ANKRD11: variants seen among roughly 807,000 people sequenced by gnomAD.
ANKRD11 encodes the protein ankyrin repeat domain 11, also known as ankyrin repeat domain-containing protein 11.
In ANKRD11, 17 loss-of-function variants were observed where a neutral mutation model predicts 195.7. That is an observed-to-expected ratio of 0.09 (90% confidence interval 0.06 to 0.13). The LOEUF (loss-of-function observed/expected upper bound fraction) is 0.13. Among genes scored for constraint, ANKRD11 ranks in the 10% least tolerant of loss-of-function variants. ANKRD11 has a pLI of 1.00. For missense variants in ANKRD11, 3,735 were observed against 3,566.1 expected (o/e 1.05, Z -1.21); for synonymous variants, 1,953 against 1,528.1 (o/e 1.28, Z -6.49).
intron 2 of ANKRD11, among the ~76,000 whole-genome samples, chr16:89,364,419 G>A (rs902819698): frequency 2.6e-5 from 4 of 152,286 alleles, no homozygotes; most frequent in East Asian, 1.9e-4. Context: ...TCCTACTCAC[G>A]GTAAGAACAA....
intron 1 of ANKRD11, among the ~76,000 whole-genome samples, chr16:89,438,336 T>TTC (rs397695511): frequency 6.6e-6 from 1 of 151,758 alleles, no homozygotes; most frequent in African/African-American, 2.4e-5. Flanking sequence ...TTTTTTTTTT[T>TTC]CAACACAGAG....
At chr16:89,472,319 C>T (rs1161067246) in intron 1 of ANKRD11, among the ~76,000 whole-genome samples, 2 of 152,116 alleles carry the variant, frequency 1.3e-5, no homozygotes, top group African/African-American at 2.4e-5. Context: ...TCTGTAGGGA[C>T]GGTACCAAGA....
chr16:89,425,491 T>C (rs751807696), intron 1 of ANKRD11, among the ~76,000 whole-genome samples: 2 of 152,188 alleles, frequency 1.3e-5, no homozygotes, highest in Non-Finnish European at 2.9e-5. Context: ...ACACAGCCAA[T>C]TGGATTCCAC....
chr16:89,426,837 C>T (rs2042737729), intron 1 of ANKRD11, among the ~76,000 whole-genome samples: 1 of 152,248 alleles, frequency 6.6e-6, no homozygotes, highest in Non-Finnish European at 1.5e-5. Flanking sequence ...GGCTGTTTCA[C>T]TTCAGTGTGA....
chr16:89,433,528 C>A (rs961441914), intron 1 of ANKRD11, among the ~76,000 whole-genome samples: 5 of 152,202 alleles, frequency 3.3e-5, no homozygotes, highest in Non-Finnish European at 7.3e-5. Context: ...AAAAGGCCTC[C>A]CTAAAGGAGC....
intron 2 of ANKRD11, among the ~76,000 whole-genome samples, chr16:89,337,007 C>CAAAAAAAAA (rs60248736): frequency 4.2e-5 from 2 of 47,742 alleles, no homozygotes; most frequent in Non-Finnish European, 7.5e-5. Flanking sequence ...CTGGCTCTAC[C>CAAAAAAAAA]AAAAAAAAAA....
At chr16:89,471,327 G>T (rs574822474) in intron 1 of ANKRD11, among the ~76,000 whole-genome samples, 2 of 152,222 alleles carry the variant, frequency 1.3e-5, no homozygotes, top group South Asian at 2.1e-4. Context: ...CTGCTGCCCC[G>T]AAGTCCTGTG....
intron 12 of ANKRD11, among the ~76,000 whole-genome samples, chr16:89,269,155 G>A (rs1050704862): frequency 2.6e-5 from 4 of 152,286 alleles, no homozygotes; most frequent in African/African-American, 9.6e-5. Flanking sequence ...GTACTGGTAT[G>A]TCACAAGCAA....
intron 1 of ANKRD11, among the ~76,000 whole-genome samples, chr16:89,462,979 C>T (rs1468348270): frequency 6.6e-6 from 1 of 151,118 alleles, no homozygotes; most frequent in African/African-American, 2.4e-5. Flanking sequence ...CCAGGCCAGC[C>T]GCCCCGTCCG....
At chr16:89,452,689 G>A (rs896319382) in intron 1 of ANKRD11, among the ~76,000 whole-genome samples, 2 of 141,570 alleles carry the variant, frequency 1.4e-5, no homozygotes, top group African/African-American at 5.3e-5. Flanking sequence ...CAGGAGGCAG[G>A]AAAATCTCCA....
chr16:89,423,157 C>T (rs2042581333), intron 1 of ANKRD11, among the ~76,000 whole-genome samples: 1 of 152,134 alleles, frequency 6.6e-6, no homozygotes, highest in Admixed American at 6.5e-5. Flanking sequence ...CCCTCAGAGC[C>T]CAGGAGTCCA....
At chr16:89,321,702 G>GA (rs955573329) in intron 2 of ANKRD11, among the ~76,000 whole-genome samples, 146 of 144,748 alleles carry the variant, frequency 1.0e-3, no homozygotes, top group African/African-American at 2.7e-3. Context: ...AAAACTCACA[G>GA]AAAAAAAAAA....
intron 1 of ANKRD11, among the ~76,000 whole-genome samples, chr16:89,445,697 G>T (rs1050464528): frequency 6.6e-6 from 1 of 152,108 alleles, no homozygotes; most frequent in Admixed American, 6.5e-5. Context: ...TTTTGAGCCC[G>T]GGCACTGTGG....
intron 2 of ANKRD11, among the ~76,000 whole-genome samples, chr16:89,338,884 A>C (rs1344942504): frequency 6.6e-6 from 1 of 152,136 alleles, no homozygotes; most frequent in Admixed American, 6.5e-5. Flanking sequence ...ACTTGGAGCA[A>C]AATAAGCCTA....
Position 89,310,440 on chromosome 16 carries a change from A to G in ANKRD11, c.88-5096T>C, listed in dbSNP as rs551759603. On this transcript the variant is annotated intron_variant, in intron 3 of 12. Coordinates refer to ENST00000301030, the MANE Select transcript of ANKRD11 (RefSeq NM_013275.6). ...TATTCTAGGTCTTTTCAATTTCCCT[A>G]TTAACTTTGGAATCGTCTTATGAAT... Among the ~76,000 whole-genome samples, 4 of 152,320 alleles carry G rather than the reference A, an allele frequency of 2.6e-5. No homozygotes were observed. In the East Asian group the frequency reaches 7.7e-4, roughly 29 times the overall value.
rs776613041 is a variant in ANKRD11 at position 89,279,219 on chromosome 16, G to A, written c.7323C>T (p.Tyr2441=). ...HSDRANPYFE[Y]LQIRKKIEEK... ...CCTCGATCTTCTTCCTGATCTGCAGGTATTCGAAGTAGGGGTTGGCCCTGT... is the reference window on the plus strand; with the variant it reads ...CCTCGATCTTCTTCCTGATCTGCAGATATTCGAAGTAGGGGTTGGCCCTGT... Residue 2441 remains tyrosine, a synonymous_variant, in exon 9 of 13, where the codon TAC becomes TAT. Coordinates refer to ENST00000301030, the MANE Select transcript of ANKRD11 (RefSeq NM_013275.6). The surrounding 1 kb of genome is among the most constrained non-coding windows in gnomAD (Gnocchi z 5.6). 27 of 1,612,108 alleles carry A rather than the reference G, an allele frequency of 1.7e-5. No homozygotes were observed. The highest frequency in any genetic ancestry group is 8.0e-5 in the African/African-American group (6 of 74,870).
intron 2 of ANKRD11, among the ~76,000 whole-genome samples, chr16:89,415,261 CT>C (rs34004237): frequency 0.025 from 2,128 of 84,472 alleles, 40 homozygotes; most frequent in African/African-American, 0.075. Flanking sequence ...GCCAGCTATT[CT>C]TTTTTTTTTT....
intron 1 of ANKRD11, among the ~76,000 whole-genome samples, chr16:89,484,250 T>C (rs1247348896): frequency 6.6e-6 from 1 of 152,228 alleles, no homozygotes; most frequent in Admixed American, 6.5e-5. Context: ...TTTTGCAAGA[T>C]GTAAAACCAC....
In ANKRD11 at chr16:89,284,443, A is replaced by G; in HGVS notation, c.2099T>C (p.Leu700Pro). Residue 700 changes from leucine (L) to proline (P), a missense_variant, in exon 9 of 13, where the codon CTT becomes CCT. Leu to Pro is a moderately conservative substitution (Grantham distance 98). Coordinates refer to ENST00000301030, the MANE Select transcript of ANKRD11 (RefSeq NM_013275.6). ...TTTTTCTTCTAATTTCATTTTGCTA[A>G]GTTTCTCTTCTTTTTTAAAGTGGTC... ...DRDHFKKEEKLSKMKLEEKEW... is the reference protein window; with the variant it reads ...DRDHFKKEEKPSKMKLEEKEW... 1 of 1,613,062 alleles carries G rather than the reference A, an allele frequency of 6.2e-7. No individual in the cohort carries two copies. Among genetic ancestry groups the G allele is most frequent in the Non-Finnish European group, 8.5e-7 (1 of 1,179,858 alleles).
Sources: allele counts gnomAD v4.1 joint callset (sites outside exome capture counted in the v4.1 genomes callset), GRCh38; gene constraint gnomAD v4.1.1; non-coding constraint Gnocchi (gnomAD v3.1); transcripts MANE v1.5; gene names NCBI Gene and HGNC (gene_info 2026-07-23, HGNC 2026-07-21).